ZNF638: variants seen among roughly 807,000 people sequenced by gnomAD.
ZNF638 encodes CTCL tumor antigen se33-1.
Under a neutral mutation model 195.6 loss-of-function variants are expected in ZNF638, and 46 were observed. That is an observed-to-expected ratio of 0.24 (90% CI 0.19 to 0.30). ZNF638 has a LOEUF of 0.30. ZNF638 is among the 10% of genes least tolerant of loss of function. The probability of loss-of-function intolerance (pLI) is 1.00; values close to 1 mark genes in which losing one functional copy is unlikely to be tolerated. For synonymous variants in ZNF638, 845 were observed against 772.0 expected (o/e 1.09, Z -1.57); for missense variants, 2,440 against 2,325.3 (o/e 1.05, Z -1.01).
rs1374343288 is a variant in ZNF638, at chr2:71,427,552, A to G, written c.5545+138A>G. ...AGGCCAACAGACAGTTAAAGTCAAC[A>G]ATAAATTTTCCAAAGAAATGTGTAC... On this transcript the variant is annotated intron_variant, in intron 24 of 27. Coordinates refer to ENST00000264447, the MANE Select transcript of ZNF638 (RefSeq NM_014497.5). 3 of 587,380 alleles carry G rather than the reference A, an allele frequency of 5.1e-6. No homozygotes were observed. In the Admixed American group the frequency reaches 1.1e-4, roughly 23 times the overall value. The allele number at this position is 587,380 out of a possible 1,614,324, so 36.4% of individuals were successfully genotyped here.
chr2:71,347,385 G>A lies in ZNF638; in HGVS notation c.-202-1368G>A, dbSNP rs72839787. Among the ~76,000 whole-genome samples the A allele has an allele frequency of 2.0e-3, 308 of 151,830 alleles. 1 individual carries two copies. Among genetic ancestry groups the A allele is most frequent in the Non-Finnish European group, 3.5e-3 (238 of 67,918 alleles). ...GCATGCAAAATGATTGGAGGGAAGG[G>A]TGTTAACCAGATAAAGACCATTTTC... On this transcript the variant is annotated intron_variant, in intron 1 of 27. Coordinates refer to ENST00000264447, the MANE Select transcript of ZNF638 (RefSeq NM_014497.5).
At chr2:71,434,399 T>C (rs1310706187) in intron 27 of ZNF638, among the ~76,000 whole-genome samples, 1 of 152,214 alleles carries the variant, frequency 6.6e-6, no homozygotes, top group Non-Finnish European at 1.5e-5. Context: ...CAGCCTCAAT[T>C]ACGTTGTTGC....
rs1250619425 is a variant in ZNF638 at position 71,388,329 on chromosome 2, CGACCTTTGATCATCT to C, written c.2378-7782_2378-7768del. 8.4e-3 allele frequency: 4,060 copies of C among 483,898 alleles called. 83 individuals carry two copies. Among genetic ancestry groups the C allele is most frequent in the African/African-American group, 0.05 (2,542 of 50,878 alleles). The allele number at this position is 483,898 out of a possible 1,614,324, so 30.0% of individuals were successfully genotyped here. On this transcript the variant is annotated intron_variant, in intron 10 of 27. Transcript: ENST00000264447. ...TTTGATCATCCGACCTTTGATCATC[CGACCTTTGATCATCT>C]GACCTTTGATCATCTGACCTTTGAT...
In ZNF638 at chr2:71,363,994, C is replaced by G. The variant is rs762069583; in HGVS notation, c.1459C>G (p.Arg487Gly). Residue 487 changes from arginine to glycine, a missense_variant, in exon 5 of 28, where the codon CGT becomes GGT. By Grantham distance (125) the Arg-to-Gly change is moderately radical. This residue lies in a region of ZNF638 where 1,883 missense variants were observed against 1,739.1 expected (regional missense o/e 1.08). Coordinates refer to ENST00000264447, the MANE Select transcript of ZNF638 (RefSeq NM_014497.5). ...AAAAGAAAATGAAACTCCACGAAGA[C>G]GTTCTCATTCCCCCAGTCCTAGGCG... ...NRKENETPRRRSHSPSPRRSR... is the reference protein window; with the variant it reads ...NRKENETPRRGSHSPSPRRSR... The G allele has an allele frequency of 1.9e-6, 3 of 1,614,104 alleles. No individual in the cohort carries two copies. Among genetic ancestry groups the G allele is most frequent in the Non-Finnish European group, 1.7e-6 (2 of 1,179,984 alleles).
intron 25 of ZNF638, among the ~76,000 whole-genome samples, chr2:71,429,908 A>G (rs910835041): frequency 6.6e-6 from 1 of 152,176 alleles, no homozygotes; most frequent in Non-Finnish European, 1.5e-5. Context: ...TTTTCCATAA[A>G]CAATCTTTGA....
At chr2:71,364,972 TGG>T (rs1424740101) in intron 5 of ZNF638, among the ~76,000 whole-genome samples, 1 of 152,194 alleles carries the variant, frequency 6.6e-6, no homozygotes. Context: ...TTAAAATGTG[TGG>T]AAGAAGGTAC....
At chr2:71,351,284 C>T (rs559469537) in intron 2 of ZNF638, among the ~76,000 whole-genome samples, 1 of 152,256 alleles carries the variant, frequency 6.6e-6, no homozygotes, top group South Asian at 2.1e-4. Context: ...ACTAGGTTTT[C>T]GTCAACATGA....
chr2:71,434,630 A>G, intron 27 of ZNF638, 112 bp from the exon 28 acceptor site: 1 of 874,448 alleles, frequency 1.1e-6, no homozygotes, highest in Non-Finnish European at 1.8e-6. Context: ...CTGTGTTTAT[A>G]ATATTTTGTA....
At chr2:71,412,089 C>G (rs1466633443) in intron 20 of ZNF638, among the ~76,000 whole-genome samples, 8 of 106,548 alleles carry the variant, frequency 7.5e-5, no homozygotes, top group African/African-American at 1.6e-4. Flanking sequence ...TACAGTCCCA[C>G]CAACAGTGTA....
intron 10 of ZNF638, among the ~76,000 whole-genome samples, chr2:71,385,700 A>T (rs1215073257): frequency 6.6e-6 from 1 of 152,198 alleles, no homozygotes; most frequent in African/African-American, 2.4e-5. Flanking sequence ...TGTCTGTGAT[A>T]CTGTACTACA....
Position 71,410,273 on chromosome 2 carries a change from A to C in ZNF638, c.3261+2026A>C, listed in dbSNP as rs542702435. 5.1e-3 allele frequency among the ~76,000 whole-genome samples: 782 copies of C among 152,240 alleles called. 3 individuals carry two copies. Among genetic ancestry groups the C allele is most frequent in the Non-Finnish European group, 8.1e-3 (549 of 68,008 alleles). ...CATGGCCCACATGATTTAAACCTTAACTCCTGGGCTTAAGCGATCCTCTCA... is the reference window on the plus strand; with the variant it reads ...CATGGCCCACATGATTTAAACCTTACCTCCTGGGCTTAAGCGATCCTCTCA... On this transcript the variant is annotated intron_variant, in intron 20 of 27. Transcript: ENST00000264447.
intron 10 of ZNF638, 111 bp from the exon 11 acceptor site, chr2:71,396,030 A>G (rs753134463): frequency 3.9e-5 from 35 of 893,740 alleles, no homozygotes; most frequent in Non-Finnish European, 5.6e-5. Context: ...AGATGAGTAT[A>G]GGGCTGTTTC....
At chr2:71,353,260 G>A (rs1573035700) in intron 2 of ZNF638, among the ~76,000 whole-genome samples, 1 of 152,136 alleles carries the variant, frequency 6.6e-6, no homozygotes, top group East Asian at 1.9e-4. Flanking sequence ...TTGTTAAATT[G>A]GGGTTCAGAT....
rs915425936 is a variant in ZNF638 at position 71,395,291 on chromosome 2, C to T, written c.2378-850C>T. 3 of 717,146 alleles carry T rather than the reference C, an allele frequency of 4.2e-6. No individual in the cohort carries two copies. In the African/African-American group the frequency reaches 5.2e-5, roughly 13 times the overall value. The allele number at this position is 717,146 out of a possible 1,614,324, so 44.4% of individuals were successfully genotyped here. A position where few individuals can be genotyped will look rare whatever the true frequency, so the allele number is the denominator to read the frequency against. ...AGCAGTAATCGCTACGCCTGACAAACCTGCTGCTGTGCACATCTGTACTCT... is the reference window on the plus strand; with the variant it reads ...AGCAGTAATCGCTACGCCTGACAAATCTGCTGCTGTGCACATCTGTACTCT... On this transcript the variant is annotated intron_variant, in intron 10 of 27. Transcript: ENST00000264447.
chr2:71,373,378 G>A (rs928454677), intron 8 of ZNF638, among the ~76,000 whole-genome samples: 2 of 146,814 alleles, frequency 1.4e-5, no homozygotes, highest in African/African-American at 5.0e-5. Flanking sequence ...TGCATTGTAT[G>A]TAAGAAGTCT....
intron 17 of ZNF638, among the ~76,000 whole-genome samples, chr2:71,405,210 T>C (rs2080083010): frequency 6.6e-6 from 1 of 152,216 alleles, no homozygotes; most frequent in African/African-American, 2.4e-5. Flanking sequence ...GCATTTATGC[T>C]CTGTGCTGTT....
intron 26 of ZNF638, among the ~76,000 whole-genome samples, chr2:71,431,731 G>A (rs1406456761): frequency 6.7e-6 from 1 of 150,302 alleles, no homozygotes; most frequent in African/African-American, 2.5e-5. Flanking sequence ...CTGCACTCCA[G>A]CCTGGGCGAC....
chr2:71,354,234 T>G (rs973063330), intron 2 of ZNF638, among the ~76,000 whole-genome samples: 1 of 152,224 alleles, frequency 6.6e-6, no homozygotes, highest in East Asian at 1.9e-4. Flanking sequence ...ATTTAGTAAG[T>G]TTTCTGCCTT....
intron 15 of ZNF638, among the ~76,000 whole-genome samples, 191 bp from the exon 16 acceptor site, chr2:71,401,765 G>A (rs973271235): frequency 1.2e-4 from 18 of 151,882 alleles, no homozygotes; most frequent in African/African-American, 4.3e-4. Flanking sequence ...CTGTACTCTT[G>A]AAGAGTGTAA....
Sources: gnomAD v4.1 joint callset for allele counts (sites outside exome capture counted in the v4.1 genomes callset) on GRCh38, gnomAD v4.1.1 for gene constraint, gnomAD v4.1.1 regional missense constraint, MANE v1.5 for transcripts, NCBI Gene and HGNC (gene_info 2026-07-23, HGNC 2026-07-21) for gene names.